RPS6KB1: variants seen among roughly 807,000 people sequenced by gnomAD.
RPS6KB1 encodes the protein ribosomal protein S6 kinase beta-1.
A neutral mutation model predicts 70.2 loss-of-function variants in RPS6KB1; 12 were observed. That is an observed-to-expected ratio of 0.17 (90% CI 0.11 to 0.28). The LOEUF is 0.28. Ranked by LOEUF, RPS6KB1 falls within the 10% of genes least tolerant of loss-of-function variation. The pLI is 1.00. For synonymous variants in RPS6KB1, 175 were observed against 211.2 expected, an observed-to-expected ratio of 0.83 and a Z score of 1.49; for missense variants, 270 against 646.6, an observed-to-expected ratio of 0.42 and a Z score of 6.32.
intron 12 of RPS6KB1, among the ~76,000 whole-genome samples, chr17:59,937,158 A>G (rs955059330): frequency 2.6e-5 from 4 of 152,218 alleles, no homozygotes; most frequent in Non-Finnish European, 4.4e-5. Context: ...TTCTGCACCC[A>G]GCCAAGCATC....
chr17:59,927,351 T>C (rs2043670372), intron 5 of RPS6KB1, among the ~76,000 whole-genome samples: 1 of 152,082 alleles, frequency 6.6e-6, no homozygotes, highest in South Asian at 2.1e-4. Flanking sequence ...CCCAAAATGC[T>C]GGGATTACAG....
intron 5 of RPS6KB1, among the ~76,000 whole-genome samples, chr17:59,929,597 A>G (rs1300407604): frequency 6.6e-6 from 1 of 152,230 alleles, no homozygotes; most frequent in Non-Finnish European, 1.5e-5. Context: ...GGATCCTAAT[A>G]TCATTCAATG....
At chr17:59,915,031 C>T (rs1178179095) in intron 4 of RPS6KB1, among the ~76,000 whole-genome samples, 1 of 151,752 alleles carries the variant, frequency 6.6e-6, no homozygotes, top group Non-Finnish European at 1.5e-5. Context: ...CTCTGTCGCC[C>T]AGGCTGGAGT....
At chr17:59,930,089 T>G (rs1194721353) in intron 5 of RPS6KB1, 28 bp from the exon 6 acceptor site, 1 of 1,120,122 alleles carries the variant, frequency 8.9e-7, no homozygotes, top group Non-Finnish European at 1.4e-6. Context: ...ATTGTTTTAT[T>G]TATAATGTTT....
Position 59,946,831 on chromosome 17 carries a change from A to G in RPS6KB1, c.*43A>G, listed in dbSNP as rs758995304. The G allele has an allele frequency of 6.2e-7, 1 of 1,608,080 alleles. No individual in the cohort carries two copies. The highest frequency in any genetic ancestry group is 8.5e-7 in the Non-Finnish European group (1 of 1,176,034). The stretch of plus-strand genomic sequence containing the variant: ...TGAATTTAAGGCAAAAAAGGTGGAG[A>G]GGGAGATGTGTGAGCATCCTGCAAG... On this transcript the variant is annotated 3_prime_UTR_variant, in exon 15 of 15. Transcript: ENST00000225577. This position sits in a 1 kb window ranked among gnomAD's most constrained non-coding sequence, Gnocchi z 4.2.
intron 4 of RPS6KB1, among the ~76,000 whole-genome samples, chr17:59,924,145 A>C (rs1357105224): frequency 6.6e-6 from 1 of 152,144 alleles, no homozygotes; most frequent in Non-Finnish European, 1.5e-5. Flanking sequence ...CCTGGCCAGC[A>C]TGGTGAAACC....
chr17:59,919,613 C>G (rs2144858769), intron 4 of RPS6KB1, among the ~76,000 whole-genome samples: 1 of 152,150 alleles, frequency 6.6e-6, no homozygotes, highest in South Asian at 2.1e-4. Flanking sequence ...CGGACTTTCA[C>G]TAAACTCGAG....
At chr17:59,941,033 C>G (rs879016267) in intron 13 of RPS6KB1, 90 bp downstream of exon 13, 6 of 723,674 alleles carry the variant, frequency 8.3e-6, no homozygotes, top group Middle Eastern at 2.6e-4. Context: ...CTTTGCAGTT[C>G]ATGTAGGTAA....
intron 1 of RPS6KB1, among the ~76,000 whole-genome samples, chr17:59,901,833 A>G (rs1436599395): frequency 6.6e-6 from 1 of 151,208 alleles, no homozygotes; most frequent in Admixed American, 6.6e-5. Context: ...CCTGGGCAAC[A>G]TAGTGAGACC....
chr17:59,931,058 T>C (rs1236200605), intron 6 of RPS6KB1: 1 of 153,948 alleles, frequency 6.5e-6, no homozygotes, highest in Admixed American at 6.5e-5. Flanking sequence ...TTGAGGTAGA[T>C]AAATTTGGGT....
intron 4 of RPS6KB1, among the ~76,000 whole-genome samples, chr17:59,925,770 C>T (rs558310516): frequency 9.9e-5 from 15 of 152,232 alleles, no homozygotes; most frequent in Non-Finnish European, 1.8e-4. Flanking sequence ...CACTGGAATG[C>T]CTTTTTTTTA....
In RPS6KB1 at chr17:59,947,435, A is replaced by G. The variant is rs1239621983; in HGVS notation, c.*647A>G. The G allele has an allele frequency of 4.0e-5, 52 of 1,287,782 alleles. No homozygotes were observed. The highest frequency in any genetic ancestry group is 4.9e-5 in the Non-Finnish European group (50 of 1,010,130). 79.8% of individuals were successfully genotyped at this position (1,287,782 alleles called of 1,614,324 possible). A position where few individuals can be genotyped will look rare whatever the true frequency, so the allele number is the denominator to read the frequency against. ...CTTCTGTTTCTTCTCTTGGTGAAAT[A>G]ATAAAATGCAAATGAATCATTGTTA... On this transcript the variant is annotated 3_prime_UTR_variant, in exon 15 of 15. Transcript: ENST00000225577.
Position 59,947,499 on chromosome 17 carries a change from T to C in RPS6KB1, c.*711T>C. On this transcript the variant is annotated 3_prime_UTR_variant, in exon 15 of 15. Coordinates refer to ENST00000225577, the MANE Select transcript of RPS6KB1 (RefSeq NM_003161.4). ...CTCGTTTGAGGGATTGGGGTGGACC[T>C]GGGGTTTATTTTCAGTAACCCAGCT... 1 of 1,509,596 alleles carries C rather than the reference T, an allele frequency of 6.6e-7. No individual in the cohort carries two copies. Among genetic ancestry groups the C allele is most frequent in the East Asian group, 2.6e-5 (1 of 39,148 alleles). 93.5% of individuals were successfully genotyped at this position (1,509,596 alleles called of 1,614,324 possible).
chr17:59,918,351 G>GTTTTAT (rs1555648966), intron 4 of RPS6KB1, among the ~76,000 whole-genome samples: 315 of 150,958 alleles, frequency 2.1e-3, no homozygotes, highest in African/African-American at 7.4e-3. Context: ...CCCTCTGAGA[G>GTTTTAT]TTTTATTTTT....
intron 1 of RPS6KB1, among the ~76,000 whole-genome samples, chr17:59,899,247 A>G (rs1388845546): frequency 6.6e-6 from 1 of 151,566 alleles, no homozygotes; most frequent in Non-Finnish European, 1.5e-5. Context: ...TGTGAAAGAG[A>G]GTTGTCAGTA....
chr17:59,903,136 T>C (rs952775265), intron 1 of RPS6KB1, among the ~76,000 whole-genome samples: 3 of 151,716 alleles, frequency 2.0e-5, no homozygotes, highest in African/African-American at 7.3e-5. Context: ...TGAAACCCCA[T>C]CTCTACTAAA....
intron 4 of RPS6KB1, among the ~76,000 whole-genome samples, chr17:59,920,797 C>G (rs2043218931): frequency 6.6e-6 from 1 of 152,150 alleles, no homozygotes; most frequent in Non-Finnish European, 1.5e-5. Context: ...CTCTTGGGTT[C>G]CAGTGATTCT....
intron 12 of RPS6KB1, among the ~76,000 whole-genome samples, chr17:59,940,275 C>CTTTTTTTT (rs559026454): frequency 2.5e-5 from 2 of 81,490 alleles, no homozygotes; most frequent in Non-Finnish European, 2.3e-5. Context: ...GATATATTCA[C>CTTTTTTTT]TTTTTTTTTT....
chr17:59,932,668 C>T (rs1046297101), intron 7 of RPS6KB1, among the ~76,000 whole-genome samples: 9 of 151,950 alleles, frequency 5.9e-5, no homozygotes, highest in Admixed American at 3.9e-4. Flanking sequence ...CCTTCCACCC[C>T]GGCCCCTCAA....
Sources: allele counts gnomAD v4.1 joint callset (sites outside exome capture counted in the v4.1 genomes callset), GRCh38; gene constraint gnomAD v4.1.1; non-coding constraint Gnocchi (gnomAD v3.1); transcripts MANE v1.5; gene names NCBI Gene and HGNC (gene_info 2026-07-23, HGNC 2026-07-21).